Variants in ADAMTSL1 observed in about 807,000 individuals in gnomAD.
The protein encoded by ADAMTSL1 is ADAMTS like 1.
Under a neutral mutation model 201.8 loss-of-function variants are expected in ADAMTSL1, and 126 were observed. The ratio of observed to expected loss-of-function variants is 0.62; its 90% CI spans 0.54 to 0.72. ADAMTSL1 has a LOEUF of 0.72. Among genes scored for constraint, ADAMTSL1 ranks in the 30% least tolerant of loss-of-function variants. The pLI is 0.00. For synonymous variants in ADAMTSL1, 1,121 were observed against 903.4 expected, an observed-to-expected ratio of 1.24 and a Z score of -4.32; for missense variants, 2,679 against 2,277.8, an observed-to-expected ratio of 1.18 and a Z score of -3.59.
At chr9:18,542,371 A>G (rs76844865) in intron 3 of ADAMTSL1, among the ~76,000 whole-genome samples, 2,799 of 152,218 alleles carry the variant, frequency 0.018, 68 homozygotes, top group African/African-American at 0.058. Flanking sequence ...ACTCTTCCTC[A>G]TTACCTGTTA....
chr9:17,992,354 G>A (rs1363610946), intron 1 of ADAMTSL1, among the ~76,000 whole-genome samples: 1 of 152,130 alleles, frequency 6.6e-6, no homozygotes, highest in Non-Finnish European at 1.5e-5. Flanking sequence ...TTTGTTGCTT[G>A]TAAAATATAT....
upstream of ADAMTSL1, among the ~76,000 whole-genome samples, chr9:18,473,483 T>C (rs1367281221): frequency 2.0e-5 from 3 of 152,086 alleles, no homozygotes; most frequent in Admixed American, 6.6e-5. Flanking sequence ...TTTGTTTTTT[T>C]CCCCCCAAAT....
At chr9:18,851,624 G>C (rs569648657) in intron 23 of ADAMTSL1, among the ~76,000 whole-genome samples, 1 of 152,186 alleles carries the variant, frequency 6.6e-6, no homozygotes, top group Non-Finnish European at 1.5e-5. Flanking sequence ...CAGGGTTGGC[G>C]TGGGGTTTTA....
At chr9:18,476,320 A>G (rs1821449346) in intron 1 of ADAMTSL1, among the ~76,000 whole-genome samples, 1 of 152,192 alleles carries the variant, frequency 6.6e-6, no homozygotes, top group African/African-American at 2.4e-5. Context: ...ATAAGCTTGC[A>G]TTTGAACCCA....
chr9:18,857,411 C>T (rs1028853462), intron 23 of ADAMTSL1, among the ~76,000 whole-genome samples: 2 of 152,184 alleles, frequency 1.3e-5, no homozygotes, highest in East Asian at 1.9e-4. Flanking sequence ...ATGACCTTAA[C>T]GCTTCTGAAG....
chr9:18,454,811 G>A (rs1280226409), intron 2 of ADAMTSL1, among the ~76,000 whole-genome samples: 1 of 151,960 alleles, frequency 6.6e-6, no homozygotes, highest in Non-Finnish European at 1.5e-5. Flanking sequence ...AATTATTACT[G>A]GTTTGCAAAT....
At chr9:17,913,467 G>A (rs10810870) in intron 1 of ADAMTSL1, among the ~76,000 whole-genome samples, 13,483 of 152,148 alleles carry the variant, frequency 0.089, 793 homozygotes, top group Non-Finnish European at 0.13. Context: ...AATTGTGAAT[G>A]GGAGTTCACT....
At chr9:18,814,648 C>T (rs1823719116) in intron 20 of ADAMTSL1, among the ~76,000 whole-genome samples, 1 of 152,188 alleles carries the variant, frequency 6.6e-6, no homozygotes, top group Admixed American at 6.5e-5. Context: ...AAACCAAATA[C>T]TGCATGTTCT....
rs566472535 is a variant in ADAMTSL1 at position 18,575,849 on chromosome 9, T to A, written c.474+1583T>A. On this transcript the variant is annotated intron_variant, in intron 4 of 28. Coordinates refer to ENST00000380548, the MANE Select transcript of ADAMTSL1 (RefSeq NM_001040272.6). ...CAATGTTATTGCTACTATATTACCC[T>A]GCTGAATGAACCAAAATAAACAAGA... Among the ~76,000 whole-genome samples, 12 of 152,316 alleles carry A rather than the reference T, an allele frequency of 7.9e-5. No homozygotes were observed. In the South Asian group the frequency reaches 2.5e-3, roughly 32 times the overall value.
At chr9:18,454,977 C>CTGCA (rs1820547316) in intron 2 of ADAMTSL1, among the ~76,000 whole-genome samples, 1 of 152,168 alleles carries the variant, frequency 6.6e-6, no homozygotes, top group African/African-American at 2.4e-5. Context: ...TTCACAAATA[C>CTGCA]TGCAATTCTT....
intron 2 of ADAMTSL1, among the ~76,000 whole-genome samples, chr9:18,516,788 T>G (rs1037793767): frequency 2.0e-5 from 3 of 152,316 alleles, no homozygotes; most frequent in Admixed American, 1.3e-4. Flanking sequence ...CTGAAATGTG[T>G]GCCCCTAAAA....
intron 1 of ADAMTSL1, among the ~76,000 whole-genome samples, chr9:18,138,701 C>G (rs1200965419): frequency 2.0e-5 from 3 of 151,878 alleles, no homozygotes; most frequent in East Asian, 1.9e-4. Context: ...TCCCAGAGAT[C>G]AAAAGGAAAA....
chr9:18,457,291 G>GA (rs964223161), intron 2 of ADAMTSL1, among the ~76,000 whole-genome samples: 5 of 152,174 alleles, frequency 3.3e-5, no homozygotes, highest in East Asian at 3.9e-4. Flanking sequence ...TAAAATCACG[G>GA]AAAAAATGTT....
intron 1 of ADAMTSL1, among the ~76,000 whole-genome samples, chr9:18,050,982 A>G (rs908690348): frequency 3.9e-5 from 6 of 152,324 alleles, no homozygotes; most frequent in African/African-American, 1.4e-4. Flanking sequence ...TAATCAGTGC[A>G]ATCACTTTAC....
At position 17,970,355 on chromosome 9, in the gene ADAMTSL1, T is replaced by G. The variant is rs191253401; in HGVS notation, c.87+63433T>G. Among the ~76,000 whole-genome samples the G allele has an allele frequency of 3.5e-3, 537 of 152,118 alleles. 12 individuals are homozygous for G. The highest frequency in any genetic ancestry group is 1.8e-3 in the Non-Finnish European group (125 of 67,966). ...CAGAACATGGCATTATCCTCCTCTTTGCCTTTTTCATGTGAGCATCTATGC... is the reference window on the plus strand; with the variant it reads ...CAGAACATGGCATTATCCTCCTCTTGGCCTTTTTCATGTGAGCATCTATGC... On this transcript the variant is annotated intron_variant, in intron 1 of 29. Coordinates refer to the ADAMTSL1 transcript ENST00000680146.
At chr9:18,601,116 T>A (rs1428779983) in intron 4 of ADAMTSL1, among the ~76,000 whole-genome samples, 2 of 152,196 alleles carry the variant, frequency 1.3e-5, no homozygotes, top group Non-Finnish European at 2.9e-5. Flanking sequence ...CCTAATAGAG[T>A]TTCCTTCTGT....
At chr9:18,412,919 G>T (rs191027983) in intron 2 of ADAMTSL1, among the ~76,000 whole-genome samples, 2 of 151,978 alleles carry the variant, frequency 1.3e-5, no homozygotes, top group Non-Finnish European at 2.9e-5. Flanking sequence ...CTGATATTTC[G>T]TATGTGATTT....
rs1469418526 is a variant in ADAMTSL1, at chr9:18,015,271, A to T, written c.87+108349A>T. 2.0e-5 allele frequency among the ~76,000 whole-genome samples: 3 copies of T among 152,024 alleles called. No individual in the cohort carries two copies. The East Asian group carries it at 5.8e-4, about 29-fold the overall frequency. The stretch of plus-strand genomic sequence containing the variant: ...TCAATCTCTGTCTCTGCTGGGAGGG[A>T]TCTAACCGAAAGATGGTAAATGGCC... On this transcript the variant is annotated intron_variant, in intron 1 of 29. Transcript: ENST00000680146.
At chr9:18,725,290 G>C (rs959281059) in intron 15 of ADAMTSL1, among the ~76,000 whole-genome samples, 8 of 152,236 alleles carry the variant, frequency 5.3e-5, no homozygotes, top group African/African-American at 1.9e-4. Flanking sequence ...ATAGAAAAGA[G>C]AGGGACAGAT....
Sources: gnomAD v4.1 joint callset for allele counts (sites outside exome capture counted in the v4.1 genomes callset) on GRCh38, gnomAD v4.1.1 for gene constraint, MANE v1.5 for transcripts, NCBI Gene and HGNC (gene_info 2026-07-23, HGNC 2026-07-21) for gene names.